The following BLTP3B variants were observed in gnomAD, a reference collection of about 807,000 sequenced individuals.
The protein encoded by BLTP3B is UHRF1 (ICBP90) binding protein 1-like.
chr12:100,130,921 A>ATACATACATACATACATAC, the BLTP3B span, among the ~76,000 whole-genome samples: 1 of 127,604 alleles, frequency 7.8e-6, no homozygotes, highest in Non-Finnish European at 1.7e-5. Context: ...ATCTCAAAAA[A>ATACATACATACATACATAC]ATACATACAT....
chr12:100,085,755 CT>C, the BLTP3B span, among the ~76,000 whole-genome samples: 5 of 151,500 alleles, frequency 3.3e-5, no homozygotes, highest in East Asian at 3.9e-4. Context: ...AATAATCATA[CT>C]TTTTTTTTCT....
chr12:100,090,223 T>C, the BLTP3B span, among the ~76,000 whole-genome samples: 2 of 152,146 alleles, frequency 1.3e-5, no homozygotes, highest in African/African-American at 4.8e-5. Flanking sequence ...CTAAAAGATG[T>C]GGTATGTCCT....
the BLTP3B span, among the ~76,000 whole-genome samples, chr12:100,098,849 C>A: frequency 5.3e-5 from 8 of 151,874 alleles, no homozygotes; most frequent in Non-Finnish European, 1.2e-4. Context: ...GTGGAGGTTG[C>A]GGTTAGCTCA....
chr12:100,142,570 C>T, the BLTP3B span: 17 of 1,606,164 alleles, frequency 1.1e-5, no homozygotes, highest in Non-Finnish European at 1.4e-5. Flanking sequence ...CGACTGGCGC[C>T]GACACCGAGG....
chr12:100,142,475 G>T, the BLTP3B span: 1 of 1,158,232 alleles, frequency 8.6e-7, no homozygotes, highest in Non-Finnish European at 1.2e-6. Context: ...GAGCGGGGAA[G>T]TCCGAAGGTC....
the BLTP3B span, among the ~76,000 whole-genome samples, chr12:100,111,593 GTTTTT>G: frequency 1.3e-5 from 2 of 149,580 alleles, no homozygotes; most frequent in African/African-American, 2.5e-5. Context: ...CTAGTTTTTT[GTTTTT>G]TTTTGTTTGT....
At chr12:100,102,965 A>G in the BLTP3B span, 3,109 of 721,590 alleles carry the variant, frequency 4.3e-3, 17 homozygotes, top group Non-Finnish European at 5.5e-3. Context: ...GAAGAAAGTA[A>G]AAAGTGAGCA....
chr12:100,130,377 G>T, the BLTP3B span, among the ~76,000 whole-genome samples: 1 of 152,212 alleles, frequency 6.6e-6, no homozygotes, highest in East Asian at 1.9e-4. Context: ...TCATTATCTT[G>T]AATTCTATTT....
chr12:100,065,947 G>C, the BLTP3B span, among the ~76,000 whole-genome samples: 3 of 152,122 alleles, frequency 2.0e-5, no homozygotes, highest in African/African-American at 7.2e-5. Flanking sequence ...GCTCAGGTGG[G>C]CATCACGGTC....
chr12:100,140,731 T>A, the BLTP3B span, among the ~76,000 whole-genome samples: 13,156 of 57,094 alleles, frequency 0.23, 1,625 homozygotes, highest in East Asian at 0.36. Context: ...AAAAAAAAAA[T>A]ATATATATAT....
At chr12:100,117,939 C>A in the BLTP3B span, among the ~76,000 whole-genome samples, 1 of 152,092 alleles carries the variant, frequency 6.6e-6, no homozygotes, top group East Asian at 1.9e-4. Flanking sequence ...GATTTAAAAT[C>A]ACAGATTTAT....
chr12:100,108,301 G>C, the BLTP3B span: 2 of 1,360,090 alleles, frequency 1.5e-6, no homozygotes, highest in South Asian at 1.4e-5. Flanking sequence ...CTAAAATTAA[G>C]TATTTTAAAA....
chr12:100,043,759 G>A, the BLTP3B span, among the ~76,000 whole-genome samples: 92 of 152,274 alleles, frequency 6.0e-4, no homozygotes, highest in Non-Finnish European at 1.0e-3. Context: ...TAGTCTATAT[G>A]CAAACCCTAC....
At chr12:100,040,158 C>T in the BLTP3B span, among the ~76,000 whole-genome samples, 121 of 152,124 alleles carry the variant, frequency 8.0e-4, 1 homozygote, top group African/African-American at 2.7e-3. Flanking sequence ...GAATCAGAAA[C>T]GAAAGACGTG....
chr12:100,095,678 C>G, the BLTP3B span: 19 of 1,611,132 alleles, frequency 1.2e-5, no homozygotes, highest in Non-Finnish European at 1.4e-5. Flanking sequence ...TGTGTAGGTT[C>G]AGGAGCCATA....
the BLTP3B span, among the ~76,000 whole-genome samples, chr12:100,080,601 T>A: frequency 1.1e-4 from 17 of 152,366 alleles, no homozygotes; most frequent in East Asian, 3.3e-3. Context: ...CCATTTGGAA[T>A]AGCTGTATTT....
At chr12:100,133,630 A>C in the BLTP3B span, among the ~76,000 whole-genome samples, 1 of 152,252 alleles carries the variant, frequency 6.6e-6, no homozygotes, top group South Asian at 2.1e-4. Context: ...GACAAGTCAC[A>C]AATGTCAATG....
At chr12:100,084,527 C>A in the BLTP3B span, 1 of 1,613,700 alleles carries the variant, frequency 6.2e-7, no homozygotes, top group Non-Finnish European at 8.5e-7. Context: ...GGAGGTGAAC[C>A]TACATTATGA....
the BLTP3B span, among the ~76,000 whole-genome samples, chr12:100,072,279 C>CA: frequency 6.7e-6 from 1 of 149,886 alleles, no homozygotes; most frequent in East Asian, 2.0e-4. Flanking sequence ...AAACAAAAAA[C>CA]AAAAAACGAA....
Sources: allele counts gnomAD v4.1 joint callset (sites outside exome capture counted in the v4.1 genomes callset), GRCh38; gene constraint gnomAD v4.1.1; transcripts MANE v1.5; gene names NCBI Gene and HGNC (gene_info 2026-07-23, HGNC 2026-07-21).